PARD3B: variants seen among roughly 807,000 people sequenced by gnomAD.
PARD3B encodes the protein partitioning defective 3 homolog B.
Under a neutral mutation model 130.2 loss-of-function variants are expected in PARD3B, and 103 were observed. That is an observed-to-expected ratio of 0.79 (90% CI 0.67 to 0.93). PARD3B has a LOEUF of 0.93. PARD3B is among the 40% of genes least tolerant of loss of function. The probability of loss-of-function intolerance (pLI) is 0.00; values close to 1 mark genes in which losing one functional copy is unlikely to be tolerated. For synonymous variants in PARD3B, 583 were observed against 553.2 expected (o/e 1.05, Z -0.76); for missense variants, 1,609 against 1,499.2 (o/e 1.07, Z -1.21).
intron 2 of PARD3B, among the ~76,000 whole-genome samples, chr2:204,859,279 T>C (rs1487945632): frequency 6.6e-6 from 1 of 152,118 alleles, no homozygotes; most frequent in East Asian, 1.9e-4. Flanking sequence ...TGAATAAAAA[T>C]TTGGGAAATA....
At chr2:205,310,373 C>G (rs2042338090) in intron 18 of PARD3B, among the ~76,000 whole-genome samples, 1 of 151,960 alleles carries the variant, frequency 6.6e-6, no homozygotes, top group Admixed American at 6.6e-5. Context: ...ACTCTTTTAG[C>G]AAGTTTCAAG....
chr2:205,235,369 C>G (rs1331682353), intron 15 of PARD3B, among the ~76,000 whole-genome samples: 1 of 152,106 alleles, frequency 6.6e-6, no homozygotes, highest in East Asian at 1.9e-4. Context: ...CTGCAGTGAG[C>G]TGAGATCACA....
chr2:204,546,131 G>A lies in PARD3B; in HGVS notation c.120+12G>A. 1 of 1,552,096 alleles carries A rather than the reference G, an allele frequency of 6.4e-7. No individual in the cohort carries two copies. The highest frequency in any genetic ancestry group is 1.2e-5 in the South Asian group (1 of 84,226). On this transcript the variant is annotated intron_variant, in intron 1 of 22. Transcript: ENST00000406610. The stretch of plus-strand genomic sequence containing the variant: ...AGACCCGGGAGAAGGTGAGCGCGGC[G>A]CGGAGGAGTGGGGCGCGGCTGCAGC...
At chr2:205,543,932 A>G (rs1485919906) in intron 21 of PARD3B, among the ~76,000 whole-genome samples, 3 of 152,228 alleles carry the variant, frequency 2.0e-5, no homozygotes, top group Non-Finnish European at 4.4e-5. Flanking sequence ...TATGCTTTAT[A>G]GAGTTTATCA....
intron 1 of PARD3B, among the ~76,000 whole-genome samples, chr2:204,553,117 CA>C (rs1398565242): frequency 1.3e-5 from 2 of 152,002 alleles, no homozygotes; most frequent in East Asian, 1.9e-4. Flanking sequence ...AGACAATTCT[CA>C]AAAGAAGATA....
chr2:205,089,062 A>G (rs1304452702), intron 4 of PARD3B, among the ~76,000 whole-genome samples: 6 of 150,968 alleles, frequency 4.0e-5, no homozygotes, highest in Non-Finnish European at 7.4e-5. Flanking sequence ...TGGCCTCCCA[A>G]CGTGCTGGGA....
chr2:205,336,954 C>A (rs1242935831), intron 18 of PARD3B, among the ~76,000 whole-genome samples: 2 of 135,808 alleles, frequency 1.5e-5, no homozygotes, highest in Non-Finnish European at 3.2e-5. Flanking sequence ...ATCTTTATTT[C>A]TTGTCTACTT....
intron 2 of PARD3B, among the ~76,000 whole-genome samples, chr2:204,939,208 T>C (rs1007785444): frequency 1.3e-5 from 2 of 152,166 alleles, no homozygotes; most frequent in African/African-American, 4.8e-5. Flanking sequence ...ACTTAAAATA[T>C]GCAAGATCCA....
chr2:204,549,505 T>G (rs2030286326), intron 1 of PARD3B, among the ~76,000 whole-genome samples: 1 of 152,208 alleles, frequency 6.6e-6, no homozygotes, highest in Non-Finnish European at 1.5e-5. Flanking sequence ...ATTTTCACAT[T>G]AAACATTTTA....
intron 16 of PARD3B, among the ~76,000 whole-genome samples, chr2:205,250,369 A>G (rs781597182): frequency 6.6e-6 from 1 of 152,098 alleles, no homozygotes; most frequent in Non-Finnish European, 1.5e-5. Context: ...GAGCTCTGAC[A>G]TATTAATTAG....
chr2:204,971,395 A>G (rs528853276), intron 3 of PARD3B, among the ~76,000 whole-genome samples: 198 of 152,322 alleles, frequency 1.3e-3, no homozygotes, highest in Non-Finnish European at 2.3e-3. Flanking sequence ...ACTACAAAGC[A>G]TATAAGCATG....
chr2:204,811,081 TTC>T (rs1303124850), intron 2 of PARD3B, among the ~76,000 whole-genome samples: 1 of 152,138 alleles, frequency 6.6e-6, no homozygotes, highest in African/African-American at 2.4e-5. Flanking sequence ...CTTCTAGGTT[TTC>T]TAGTTCATGT....
At chr2:205,134,513 G>C (rs1449627689) in intron 10 of PARD3B, among the ~76,000 whole-genome samples, 1 of 151,200 alleles carries the variant, frequency 6.6e-6, no homozygotes, top group Non-Finnish European at 1.5e-5. Context: ...AACAGAGTGA[G>C]ACCCTGTCTC....
rs1252730210 is a variant in PARD3B at position 205,308,621 on chromosome 2, C to CAAAAAAA, written c.2630+6923_2630+6924insAAAAAAA. Among the ~76,000 whole-genome samples the CAAAAAAA allele has an allele frequency of 2.3e-4, 21 of 93,062 alleles. 1 individual carries two copies. The highest frequency in any genetic ancestry group is 1.3e-3 in the South Asian group (3 of 2,276). 61.1% of individuals were successfully genotyped at this position (93,062 alleles called of 152,430 possible). ...CTCCGTCTCAAAAAAAAAAAAAAACCAAACAACAAAACAAAACCCCAAGAC... is the reference window on the plus strand; with the variant it reads ...CTCCGTCTCAAAAAAAAAAAAAAACCAAAAAAAAAACAACAAAACAAAACCCCAAGAC... On this transcript the variant is annotated intron_variant, in intron 18 of 22. Transcript: ENST00000406610.
At chr2:205,036,501 C>A in intron 3 of PARD3B, among the ~76,000 whole-genome samples, 1 of 146,224 alleles carries the variant, frequency 6.8e-6, no homozygotes, top group Non-Finnish European at 1.5e-5. Context: ...ATATAGCAGA[C>A]TATATATAAA....
rs183714902 is a variant in PARD3B, at chr2:204,628,931, G to C, written c.121-57250G>C. Among the ~76,000 whole-genome samples, 42 of 152,266 alleles carry C rather than the reference G, an allele frequency of 2.8e-4. No homozygotes were observed. In the East Asian group the frequency reaches 7.5e-3, roughly 27 times the overall value. ...AGAAAGCAAACATTCTATAGAGTAT[G>C]GCAGTTGTAGAATATATATGGTAAA... On this transcript the variant is annotated intron_variant, in intron 1 of 22. Coordinates refer to ENST00000406610, the MANE Select transcript of PARD3B (RefSeq NM_001302769.2).
At chr2:204,874,375 A>G (rs569017204) in intron 2 of PARD3B, among the ~76,000 whole-genome samples, 1 of 152,326 alleles carries the variant, frequency 6.6e-6, no homozygotes, top group South Asian at 2.1e-4. Flanking sequence ...AATTTTAGGA[A>G]AAGTACTAAA....
At position 205,187,941 on chromosome 2, in the gene PARD3B, C is replaced by G. The variant is rs1284278906; in HGVS notation, c.2024+2078C>G. ...ACTCTGCAGTATTTGGTTATTAAGT[C>G]ATTTATTCACTTACTCATCCATTCA... is the stretch of plus-strand genomic sequence containing the variant. On this transcript the variant is annotated intron_variant, in intron 14 of 22. Transcript: ENST00000406610. This position sits in a 1 kb window ranked among gnomAD's most constrained non-coding sequence, Gnocchi z 4.9. Among the ~76,000 whole-genome samples the G allele has an allele frequency of 6.6e-6, 1 of 152,172 alleles. No homozygotes were observed. Among genetic ancestry groups the G allele is most frequent in the African/African-American group, 2.4e-5 (1 of 41,416 alleles).
chr2:204,657,272 C>T (rs2125177680), intron 1 of PARD3B, among the ~76,000 whole-genome samples: 1 of 152,250 alleles, frequency 6.6e-6, no homozygotes, highest in East Asian at 1.9e-4. Flanking sequence ...TCCTGTAATC[C>T]CAGCACTTTG....
Sources: allele counts gnomAD v4.1 joint callset (sites outside exome capture counted in the v4.1 genomes callset), GRCh38; gene constraint gnomAD v4.1.1; non-coding constraint Gnocchi (gnomAD v3.1); transcripts MANE v1.5; gene names NCBI Gene and HGNC (gene_info 2026-07-23, HGNC 2026-07-21).